Variants in FSTL5 observed in about 807,000 individuals in gnomAD.
FSTL5 encodes follistatin like 5, also known as follistatin-related protein 5.
FSTL5 carries 62 observed loss-of-function variants against 89.1 expected under a neutral mutation model. The ratio of observed to expected loss-of-function variants is 0.70; its 90% CI spans 0.57 to 0.86. The LOEUF (loss-of-function observed/expected upper bound fraction) is 0.86, where lower values mean the gene tolerates loss of function less well. Among genes scored for constraint, FSTL5 ranks in the 40% least tolerant of loss-of-function variants. The pLI is 0.00. For missense variants in FSTL5, 1,057 were observed against 1,001.6 expected (o/e 1.06, Z -0.75); for synonymous variants, 383 against 346.2 (o/e 1.11, Z -1.18).
At chr4:161,496,457 T>A (rs1257053725) in intron 12 of FSTL5, among the ~76,000 whole-genome samples, 1 of 152,162 alleles carries the variant, frequency 6.6e-6, no homozygotes, top group African/African-American at 2.4e-5. Flanking sequence ...ATGGGCTTCC[T>A]CTAATCAGTT....
intron 10 of FSTL5, among the ~76,000 whole-genome samples, chr4:161,534,203 C>A (rs1578905685): frequency 6.6e-6 from 1 of 152,020 alleles, no homozygotes; most frequent in Admixed American, 6.6e-5. Flanking sequence ...TACTCCTATT[C>A]AACATAGTAC....
intron 3 of FSTL5, among the ~76,000 whole-genome samples, chr4:161,929,278 T>C (rs1734214208): frequency 6.7e-6 from 1 of 150,286 alleles, no homozygotes; most frequent in Non-Finnish European, 1.5e-5. Context: ...TTAACTCTAA[T>C]GGTATGGGTC....
chr4:162,111,235 C>T (rs1731425614), intron 2 of FSTL5, 36 bp downstream of exon 2: 2 of 1,486,990 alleles, frequency 1.3e-6, no homozygotes, highest in Non-Finnish European at 1.8e-6. Flanking sequence ...TTATAATTGG[C>T]AGGCACTATG....
Position 161,813,265 on chromosome 4 carries a change from G to A in FSTL5, c.410-37191C>T, listed in dbSNP as rs150489578. Among the ~76,000 whole-genome samples the A allele has an allele frequency of 3.7e-4, 56 of 152,088 alleles. No homozygotes were observed. The East Asian group carries it at 9.1e-3, about 25-fold the overall frequency. ...AGGATGGTCTCTATCTCCTGACCTC[G>A]TGATCTGCCCGCCTTGGCCTCCCAA... On this transcript the variant is annotated intron_variant, in intron 4 of 15. Transcript: ENST00000306100.
chr4:161,584,422 A>C (rs78157495), intron 8 of FSTL5, among the ~76,000 whole-genome samples: 2,415 of 152,282 alleles, frequency 0.016, 25 homozygotes, highest in Middle Eastern at 0.037. Context: ...TTGATTTGTT[A>C]CTATAATTAT....
At chr4:161,516,753 ACACAC>A (rs979480177) in intron 10 of FSTL5, among the ~76,000 whole-genome samples, 12 of 137,976 alleles carry the variant, frequency 8.7e-5, no homozygotes, top group African/African-American at 3.2e-4. Flanking sequence ...ACACACACAC[ACACAC>A]AATTTTTTTT....
At chr4:161,420,814 T>G (rs1209685108) in intron 15 of FSTL5, among the ~76,000 whole-genome samples, 4 of 150,394 alleles carry the variant, frequency 2.7e-5, no homozygotes. Flanking sequence ...ATTGAATATA[T>G]AAATACATGA....
Position 161,487,455 on chromosome 4 carries a change from G to C in FSTL5, c.1459-6286C>G, listed in dbSNP as rs181435191. Among the ~76,000 whole-genome samples, 645 of 152,204 alleles carry C rather than the reference G, an allele frequency of 4.2e-3. 1 individual carries two copies. The highest frequency in any genetic ancestry group is 7.2e-3 in the Non-Finnish European group (488 of 67,980). On this transcript the variant is annotated intron_variant, in intron 12 of 15. Transcript: ENST00000306100. ...AAATAACCATTTAGAAACTTTTATA[G>C]CAATTTGACATTGCCATAATATCCC...
intron 2 of FSTL5, among the ~76,000 whole-genome samples, chr4:162,056,465 T>A (rs1329600117): frequency 6.6e-6 from 1 of 152,134 alleles, no homozygotes; most frequent in Non-Finnish European, 1.5e-5. Context: ...AAAAAATGTA[T>A]AAGAATGTTC....
At chr4:161,624,828 T>A (rs959135647) in intron 7 of FSTL5, among the ~76,000 whole-genome samples, 2 of 152,166 alleles carry the variant, frequency 1.3e-5, no homozygotes, top group Non-Finnish European at 2.9e-5. Flanking sequence ...CCAGTATATG[T>A]TTTGTAGATA....
chr4:161,464,645 A>G (rs1410965772), intron 13 of FSTL5, among the ~76,000 whole-genome samples: 1 of 152,224 alleles, frequency 6.6e-6, no homozygotes, highest in African/African-American at 2.4e-5. Context: ...GAAATAAACC[A>G]TGCACTTAGA....
At chr4:162,042,922 A>C (rs1483785928) in intron 2 of FSTL5, among the ~76,000 whole-genome samples, 1 of 123,406 alleles carries the variant, frequency 8.1e-6, no homozygotes, top group Non-Finnish European at 1.6e-5. Flanking sequence ...CAGGAAGGGG[A>C]ATATTACACT....
At chr4:161,708,787 C>A (rs995942455) in intron 6 of FSTL5, among the ~76,000 whole-genome samples, 4 of 151,978 alleles carry the variant, frequency 2.6e-5, no homozygotes, top group African/African-American at 7.2e-5. Context: ...TATTGTTTGC[C>A]TGCCAGGCAC....
chr4:161,788,197 A>C (rs1314292031), intron 4 of FSTL5, among the ~76,000 whole-genome samples: 1 of 152,176 alleles, frequency 6.6e-6, no homozygotes, highest in African/African-American at 2.4e-5. Context: ...ACATTGTGTA[A>C]TGATCAAATT....
chr4:161,717,866 AT>A (rs1008516232), intron 6 of FSTL5, among the ~76,000 whole-genome samples: 1 of 152,090 alleles, frequency 6.6e-6, no homozygotes, highest in Admixed American at 6.5e-5. Flanking sequence ...AAGATATATC[AT>A]TTTTTCCTGT....
chr4:161,548,575 C>A (rs1732086453), intron 8 of FSTL5, among the ~76,000 whole-genome samples: 1 of 151,714 alleles, frequency 6.6e-6, no homozygotes, highest in East Asian at 1.9e-4. Context: ...ACTTCTTGAA[C>A]TTGAGTTATG....
At chr4:161,615,581 T>G (rs2126640078) in intron 7 of FSTL5, among the ~76,000 whole-genome samples, 1 of 152,100 alleles carries the variant, frequency 6.6e-6, no homozygotes, top group African/African-American at 2.4e-5. Context: ...AAACTGCATT[T>G]ATCAAATGGT....
chr4:161,930,646 T>C (rs1305456368), intron 3 of FSTL5, among the ~76,000 whole-genome samples: 1 of 151,618 alleles, frequency 6.6e-6, no homozygotes, highest in Non-Finnish European at 1.5e-5. Context: ...ACATGATCAC[T>C]CAAGTTCCTT....
At chr4:161,510,544 G>A (rs1373960326) in intron 10 of FSTL5, 120 bp from the exon 11 acceptor site, 5 of 538,636 alleles carry the variant, frequency 9.3e-6, no homozygotes, top group East Asian at 3.4e-5. Flanking sequence ...GTATATAAAC[G>A]TAGTGAAGTT....
Sources: allele counts gnomAD v4.1 joint callset (sites outside exome capture counted in the v4.1 genomes callset), GRCh38; gene constraint gnomAD v4.1.1; transcripts MANE v1.5; gene names NCBI Gene and HGNC (gene_info 2026-07-23, HGNC 2026-07-21).